Variants in CRACR2A observed in about 807,000 individuals in gnomAD.
The protein encoded by CRACR2A is calcium release activated channel regulator 2A, also known as EF-hand calcium-binding domain-containing protein 4B.
CRACR2A carries 79 observed loss-of-function variants against 90.5 expected under a neutral mutation model. That is an observed-to-expected ratio of 0.87 (90% CI 0.73 to 1.05). The LOEUF (loss-of-function observed/expected upper bound fraction) is 1.05. Among genes scored for constraint, CRACR2A ranks in the 50% least tolerant of loss-of-function variants. The pLI, the probability that CRACR2A is intolerant of heterozygous loss-of-function variation, is 0.00. For missense variants in CRACR2A, 823 were observed against 897.2 expected (o/e 0.92, Z 1.06); for synonymous variants, 338 against 356.7 (o/e 0.95, Z 0.59).
chr12:3,648,984 C>CA (rs1380202023), intron 10 of CRACR2A, among the ~76,000 whole-genome samples: 3 of 151,822 alleles, frequency 2.0e-5, no homozygotes, highest in Non-Finnish European at 4.4e-5. Flanking sequence ...GGTCCAGGCT[C>CA]AAAAACCAAA....
At chr12:3,736,184 C>A (rs1490249937) in intron 1 of CRACR2A, among the ~76,000 whole-genome samples, 2 of 151,848 alleles carry the variant, frequency 1.3e-5, no homozygotes, top group African/African-American at 4.8e-5. Context: ...GAGGCTGATG[C>A]TATGACCCCA....
chr12:3,743,261 C>T (rs1946557360), intron 1 of CRACR2A, among the ~76,000 whole-genome samples: 2 of 152,224 alleles, frequency 1.3e-5, no homozygotes, highest in Admixed American at 1.3e-4. Flanking sequence ...CCTGGCAGTT[C>T]CTTTTTGTGT....
At chr12:3,677,966 T>C (rs1375893839) in intron 6 of CRACR2A, among the ~76,000 whole-genome samples, 1 of 152,194 alleles carries the variant, frequency 6.6e-6, no homozygotes, top group Admixed American at 6.5e-5. Flanking sequence ...TATAGGCCTC[T>C]TCTCTCTTGT....
intron 4 of CRACR2A, among the ~76,000 whole-genome samples, chr12:3,684,306 G>A (rs1443901125): frequency 6.6e-6 from 1 of 152,136 alleles, no homozygotes; most frequent in African/African-American, 2.4e-5. Context: ...AGTGGGAGGT[G>A]GGAGGGCAGG....
intron 13 of CRACR2A, among the ~76,000 whole-genome samples, chr12:3,641,265 A>T (rs901165462): frequency 6.6e-6 from 1 of 152,076 alleles, no homozygotes; most frequent in Non-Finnish European, 1.5e-5. Flanking sequence ...AATCGCTTGA[A>T]CCTGGGAGGC....
Position 3,679,040 on chromosome 12 carries a change from G to C in CRACR2A, c.399C>G (p.Ala133=). Residue 133 remains alanine, a synonymous_variant, in exon 6 of 20, where the codon GCC becomes GCG. Transcript: ENST00000440314. ...GATACACCTTCTCTTCATGGCGCTG[G>C]GCCACCTGTTCACCTGCATCTTCCT... is the stretch of plus-strand genomic sequence containing the variant. ...PSQEDAGEQV[A]QRHEEKVYLS... is the part of the protein sequence containing the mutation. The C allele has an allele frequency of 1.9e-6, 3 of 1,613,804 alleles. No homozygotes were observed. Among genetic ancestry groups the C allele is most frequent in the Non-Finnish European group, 2.5e-6 (3 of 1,179,930 alleles).
chr12:3,643,887 A>AC (rs5796068), intron 12 of CRACR2A, among the ~76,000 whole-genome samples: 1 of 100,286 alleles, frequency 1.0e-5, no homozygotes, highest in East Asian at 2.8e-4. Flanking sequence ...TATTTATATT[A>AC]ATATATAATA....
intron 2 of CRACR2A, chr12:3,729,888 G>C (rs1325323003): frequency 6.6e-6 from 1 of 152,182 alleles, no homozygotes; most frequent in Admixed American, 6.5e-5. Flanking sequence ...CACTGCCTTG[G>C]GGGGTCTGCT....
intron 10 of CRACR2A, among the ~76,000 whole-genome samples, chr12:3,653,199 T>G (rs918010905): frequency 1.7e-4 from 26 of 151,814 alleles, no homozygotes; most frequent in African/African-American, 6.3e-4. Context: ...GTCAGGCTGG[T>G]CTTGAACTCC....
At chr12:3,700,570 A>G (rs944741656) in intron 3 of CRACR2A, among the ~76,000 whole-genome samples, 3 of 152,364 alleles carry the variant, frequency 2.0e-5, no homozygotes, top group African/African-American at 4.8e-5. Context: ...CTGCATATTA[A>G]TATCAGGCAA....
chr12:3,652,761 CACA>C (rs1449145269), intron 10 of CRACR2A, among the ~76,000 whole-genome samples: 2 of 150,170 alleles, frequency 1.3e-5, no homozygotes, highest in African/African-American at 5.0e-5. Context: ...GGATCAGACA[CACA>C]ACTACTTTTT....
chr12:3,648,205 A>T, intron 11 of CRACR2A: 1 of 1,163,106 alleles, frequency 8.6e-7, no homozygotes, highest in Non-Finnish European at 1.1e-6. Context: ...AATGAACGAG[A>T]TAATATTTCT....
At chr12:3,655,774 G>T (rs1944893427) in intron 9 of CRACR2A, among the ~76,000 whole-genome samples, 2 of 152,212 alleles carry the variant, frequency 1.3e-5, no homozygotes, top group South Asian at 4.1e-4. Context: ...GGAGTGTCTG[G>T]TGTCTGCATC....
chr12:3,703,074 G>A (rs145933255), intron 3 of CRACR2A, among the ~76,000 whole-genome samples: 65 of 152,266 alleles, frequency 4.3e-4, no homozygotes, highest in African/African-American at 1.5e-3. Flanking sequence ...TGAAACAATT[G>A]AATATCCATT....
intron 3 of CRACR2A, among the ~76,000 whole-genome samples, chr12:3,698,036 T>C (rs1175941473): frequency 1.3e-5 from 2 of 152,230 alleles, no homozygotes; most frequent in Non-Finnish European, 2.9e-5. Context: ...AGGAGAACAC[T>C]GGACCTGTTT....
chr12:3,716,035 A>G (rs781586087), intron 2 of CRACR2A, among the ~76,000 whole-genome samples: 4 of 147,786 alleles, frequency 2.7e-5, no homozygotes, highest in African/African-American at 1.0e-4. Flanking sequence ...CTGGTGGAGG[A>G]CTCTCTGGTG....
Position 3,619,327 on chromosome 12 carries a change from G to A in CRACR2A, c.1978C>T (p.Leu660Phe). Residue 660 changes from leucine (L) to phenylalanine (F), a missense_variant, in exon 18 of 20, where the codon CTT becomes TTT. Transcript: ENST00000440314. ...ACTTCCCGCTCCTTCTCGTTGTCAA[G>A]CTTATTACCCAGCAGAAGAACAGGC... The part of the protein sequence containing the change: ...RVPVLLLGNK[L>F]DNEKEREVPR... 1 of 1,551,686 alleles carries A rather than the reference G, an allele frequency of 6.4e-7. No individual in the cohort carries two copies. Among genetic ancestry groups the A allele is most frequent in the South Asian group, 1.2e-5 (1 of 84,062 alleles).
At chr12:3,748,539 A>T (rs978962915) in intron 1 of CRACR2A, among the ~76,000 whole-genome samples, 2 of 152,174 alleles carry the variant, frequency 1.3e-5, no homozygotes, top group African/African-American at 4.8e-5. Flanking sequence ...AAAATTCTAT[A>T]GCCCTCAAGC....
intron 7 of CRACR2A, among the ~76,000 whole-genome samples, chr12:3,666,584 G>A (rs1190105153): frequency 6.6e-6 from 1 of 152,234 alleles, no homozygotes; most frequent in Non-Finnish European, 1.5e-5. Flanking sequence ...TATCCTGCCA[G>A]CCTCCCACAG....
Sources: gnomAD v4.1 joint callset for allele counts (sites outside exome capture counted in the v4.1 genomes callset) on GRCh38, gnomAD v4.1.1 for gene constraint, MANE v1.5 for transcripts, NCBI Gene and HGNC (gene_info 2026-07-23, HGNC 2026-07-21) for gene names.